EYS: variants seen among roughly 807,000 people sequenced by gnomAD.
The protein encoded by EYS is EGF-like photoreceptor maintenance factor.
In EYS, 250 loss-of-function variants were observed where a neutral mutation model predicts 282.1. The ratio of observed to expected loss-of-function variants is 0.89; its 90% CI spans 0.80 to 0.98. The LOEUF (loss-of-function observed/expected upper bound fraction) is 0.98, where lower values mean the gene tolerates loss of function less well. Among genes scored for constraint, EYS ranks in the 50% least tolerant of loss-of-function variants. EYS has a pLI of 0.00. For missense variants in EYS, 4,016 were observed against 3,709.0 expected (o/e 1.08, Z -2.15); for synonymous variants, 1,355 against 1,282.9 (o/e 1.06, Z -1.20).
chr6:65,513,979 T>A (rs1432972898), intron 2 of EYS, among the ~76,000 whole-genome samples: 1 of 152,096 alleles, frequency 6.6e-6, no homozygotes, highest in Non-Finnish European at 1.5e-5. Context: ...GGTATTCAAT[T>A]CGGAAAAGAG....
At chr6:65,623,634 C>T (rs1390218758) in intron 2 of EYS, among the ~76,000 whole-genome samples, 2 of 151,966 alleles carry the variant, frequency 1.3e-5, no homozygotes, top group Non-Finnish European at 2.9e-5. Context: ...AAAAGGTTAG[C>T]CTGGATTTGC....
chr6:65,679,534 G>A (rs1295316951), intron 1 of EYS, among the ~76,000 whole-genome samples: 1 of 151,802 alleles, frequency 6.6e-6, no homozygotes, highest in Non-Finnish European at 1.5e-5. Flanking sequence ...GCCAGAGTCC[G>A]AAGAAATGGG....
At chr6:65,583,024 T>C (rs1437490828) in intron 2 of EYS, among the ~76,000 whole-genome samples, 1 of 152,090 alleles carries the variant, frequency 6.6e-6, no homozygotes, top group African/African-American at 2.4e-5. Flanking sequence ...AAGCGGATTG[T>C]AATATTGATC....
rs188034623 is a variant in EYS, at chr6:65,501,201, A to G, written c.-332-5208T>C. Among the ~76,000 whole-genome samples, 22 of 152,024 alleles carry G rather than the reference A, an allele frequency of 1.4e-4. No homozygotes were observed. In the East Asian group the frequency reaches 4.2e-3, roughly 29 times the overall value. On this transcript the variant is annotated intron_variant, in intron 2 of 42. Coordinates refer to ENST00000503581, the MANE Select transcript of EYS (RefSeq NM_001142800.2). The stretch of plus-strand genomic sequence containing the variant: ...GAAAATAATTGACAATAGTATCACT[A>G]TATCTGTGAATGTCCATGTATACAT...
chr6:64,820,142 G>T (rs1764858013), intron 21 of EYS, among the ~76,000 whole-genome samples: 1 of 151,876 alleles, frequency 6.6e-6, no homozygotes, highest in Non-Finnish European at 1.5e-5. Context: ...CTATTAAAAA[G>T]AATGAATCAG....
At chr6:64,786,340 A>G (rs554836352) in intron 22 of EYS, among the ~76,000 whole-genome samples, 1 of 152,188 alleles carries the variant, frequency 6.6e-6, no homozygotes, top group Admixed American at 6.5e-5. Flanking sequence ...GGCGGAAACC[A>G]GCCAGGTGTA....
chr6:64,717,807 G>A (rs942986028), intron 22 of EYS, among the ~76,000 whole-genome samples: 3 of 152,172 alleles, frequency 2.0e-5, no homozygotes, highest in Admixed American at 6.5e-5. Context: ...ATGGAGGCCA[G>A]AAATTGTGGT....
intron 31 of EYS, among the ~76,000 whole-genome samples, chr6:64,200,370 A>G (rs547157969): frequency 1.4e-4 from 21 of 152,310 alleles, no homozygotes; most frequent in Admixed American, 1.3e-3. Context: ...TTCATCAGTT[A>G]TAATAAATGT....
chr6:64,312,973 C>A (rs540535625), intron 29 of EYS, among the ~76,000 whole-genome samples: 1 of 152,150 alleles, frequency 6.6e-6, no homozygotes, highest in African/African-American at 2.4e-5. Flanking sequence ...AATGCCTCTT[C>A]TTCTCCAAAG....
At chr6:64,001,583 T>C (rs1768096171) in intron 33 of EYS, among the ~76,000 whole-genome samples, 1 of 152,032 alleles carries the variant, frequency 6.6e-6, no homozygotes, top group Non-Finnish European at 1.5e-5. Context: ...CCTGCCCAAA[T>C]GGAAGTTCAG....
At chr6:64,624,796 A>G (rs1162194444) in intron 23 of EYS, among the ~76,000 whole-genome samples, 1 of 152,160 alleles carries the variant, frequency 6.6e-6, no homozygotes, top group East Asian at 1.9e-4. Context: ...GGTGGGCCCA[A>G]TAACCAGAAG....
At chr6:64,573,706 C>A (rs1205689761) in intron 26 of EYS, among the ~76,000 whole-genome samples, 1 of 152,100 alleles carries the variant, frequency 6.6e-6, no homozygotes, top group Non-Finnish European at 1.5e-5. Context: ...TAGAGGAATG[C>A]AAATCAAAAC....
At chr6:65,456,195 G>A (rs1027244488) in intron 5 of EYS, among the ~76,000 whole-genome samples, 11 of 151,976 alleles carry the variant, frequency 7.2e-5, no homozygotes, top group South Asian at 2.1e-4. Context: ...GCTCACACCC[G>A]TAACCCTAGC....
intron 26 of EYS, among the ~76,000 whole-genome samples, chr6:64,535,528 A>G (rs1238174528): frequency 1.3e-5 from 2 of 151,650 alleles, no homozygotes; most frequent in Admixed American, 1.3e-4. Context: ...GCTTGAGCCC[A>G]GGAGTTTGAG....
intron 1 of EYS, among the ~76,000 whole-genome samples, chr6:65,676,503 A>G (rs1445656594): frequency 1.3e-5 from 2 of 151,862 alleles, no homozygotes; most frequent in African/African-American, 4.8e-5. Context: ...CTAAGACTAA[A>G]TCATGAAGAA....
rs1463543075 is a variant in EYS at position 64,997,660 on chromosome 6, C to A, written c.2181G>T (p.Gly727=). ...CATCAATGTCCTGTTCACATCTTAT[C>A]CCAACATAGCCTGGATTGCATAAGC... ...FSCLCNPGYV[G]IRCEQDIDDC... Residue 727 remains glycine, a synonymous_variant, in exon 14 of 43, where the codon GGG becomes GGT. Transcript: ENST00000503581. The A allele has an allele frequency of 6.4e-7, 1 of 1,551,006 alleles. No homozygotes were observed. The highest frequency in any genetic ancestry group is 2.4e-5 in the East Asian group (1 of 40,866).
In EYS at chr6:64,581,197, A is replaced by G. The variant is rs1766053376; in HGVS notation, c.5644+9026T>C. ...GGAAAGAGAGGAGGAAGAGAGAAAG[A>G]GAGTGATGGGAAACATCTAAGAGCA... is the stretch of plus-strand genomic sequence containing the variant. On this transcript the variant is annotated intron_variant, in intron 26 of 42. Transcript: ENST00000503581. Among the ~76,000 whole-genome samples the G allele has an allele frequency of 2.0e-5, 3 of 152,276 alleles. No individual in the cohort carries two copies. In the South Asian group the frequency reaches 6.2e-4, roughly 32 times the overall value.
intron 15 of EYS, among the ~76,000 whole-genome samples, chr6:64,919,064 T>C (rs1295046896): frequency 6.6e-6 from 1 of 152,198 alleles, no homozygotes; most frequent in African/African-American, 2.4e-5. Flanking sequence ...ATGTAGATTC[T>C]TTGAAAAGAA....
intron 22 of EYS, among the ~76,000 whole-genome samples, chr6:64,754,890 G>C (rs1772882790): frequency 6.6e-6 from 1 of 152,070 alleles, no homozygotes; most frequent in African/African-American, 2.4e-5. Context: ...GCAAGACAAG[G>C]ATTCCCACTT....
Sources: allele counts gnomAD v4.1 joint callset (sites outside exome capture counted in the v4.1 genomes callset), GRCh38; gene constraint gnomAD v4.1.1; transcripts MANE v1.5; gene names NCBI Gene and HGNC (gene_info 2026-07-23, HGNC 2026-07-21).